RORA: variants seen among roughly 807,000 people sequenced by gnomAD.
The protein encoded by RORA is nuclear receptor ROR-alpha.
RORA carries 7 observed loss-of-function variants against 69.5 expected under a neutral mutation model. The ratio of observed to expected loss-of-function variants is 0.10; its 90% confidence interval spans 0.06 to 0.19. The LOEUF (loss-of-function observed/expected upper bound fraction) is 0.19. Ranked by LOEUF, RORA falls within the 10% of genes least tolerant of loss-of-function variation. RORA has a pLI of 1.00. For missense variants in RORA, 457 were observed against 663.0 expected (o/e 0.69, Z 3.41); for synonymous variants, 261 against 240.8 (o/e 1.08, Z -0.78).
intron 1 of RORA, among the ~76,000 whole-genome samples, chr15:60,696,931 G>T: frequency 6.6e-6 from 1 of 152,150 alleles, no homozygotes; most frequent in Admixed American, 6.5e-5. Flanking sequence ...TGATTCTTCT[G>T]ATCATTTTTC....
intron 1 of RORA, among the ~76,000 whole-genome samples, chr15:60,756,325 G>A (rs1297198874): frequency 6.6e-6 from 1 of 152,202 alleles, no homozygotes; most frequent in East Asian, 1.9e-4. Context: ...AATTTAAAAT[G>A]TTTATTTTTG....
At chr15:60,720,595 C>T (rs577266866) in intron 1 of RORA, among the ~76,000 whole-genome samples, 170 of 152,140 alleles carry the variant, frequency 1.1e-3, no homozygotes, top group Non-Finnish European at 1.8e-3. Context: ...CTGATGGTTC[C>T]CCAGGAACTT....
At chr15:61,022,903 G>A (rs1158367874) in intron 1 of RORA, among the ~76,000 whole-genome samples, 2 of 152,084 alleles carry the variant, frequency 1.3e-5, no homozygotes, top group Admixed American at 1.3e-4. Flanking sequence ...AGAACTGACA[G>A]GCCGGGCACG....
chr15:60,522,851 C>T (rs1356071904), intron 3 of RORA, among the ~76,000 whole-genome samples: 1 of 150,678 alleles, frequency 6.6e-6, no homozygotes, highest in Non-Finnish European at 1.5e-5. Context: ...GTGGGCAGAT[C>T]ACGAGGTCAG....
chr15:60,604,468 C>T lies in RORA; in HGVS notation c.197-72617G>A, dbSNP rs993894125. Among the ~76,000 whole-genome samples, 4 of 152,272 alleles carry T rather than the reference C, an allele frequency of 2.6e-5. No individual in the cohort carries two copies. In the South Asian group the frequency reaches 8.3e-4, roughly 32 times the overall value. On this transcript the variant is annotated intron_variant, in intron 2 of 10. Coordinates refer to ENST00000335670, the MANE Select transcript of RORA (RefSeq NM_134261.3). ...AGTTTAAATGTCACTGCCCTATAGA[C>T]ATCTTGTTCTTCTCTTTTTGTAAAC...
chr15:60,793,041 A>AG (rs1041785623), intron 1 of RORA, among the ~76,000 whole-genome samples: 25 of 143,516 alleles, frequency 1.7e-4, no homozygotes, highest in Non-Finnish European at 2.3e-4. Flanking sequence ...AGAGAGAGAG[A>AG]AAAAAAAAAA....
intron 2 of RORA, among the ~76,000 whole-genome samples, chr15:60,544,131 A>G (rs2066993563): frequency 6.6e-6 from 1 of 151,962 alleles, no homozygotes; most frequent in South Asian, 2.1e-4. Flanking sequence ...ACGCTTTGTG[A>G]CCCTCTTTCT....
chr15:61,121,207 A>C lies in RORA; in HGVS notation c.166+107846T>G, dbSNP rs73430902. 3.2e-3 allele frequency among the ~76,000 whole-genome samples: 491 copies of C among 152,218 alleles called. 2 individuals are homozygous for C. The highest frequency in any genetic ancestry group is 0.011 in the African/African-American group (456 of 41,528). ...TCCATAACGCAGACTAAGTTATAGC[A>C]ATACTATTTTACAGATGAGGACATT... is the stretch of plus-strand genomic sequence containing the variant. On this transcript the variant is annotated intron_variant, in intron 1 of 10. Coordinates refer to ENST00000335670, the MANE Select transcript of RORA (RefSeq NM_134261.3).
At chr15:60,641,212 A>G (rs1596088610) in intron 2 of RORA, among the ~76,000 whole-genome samples, 4 of 152,056 alleles carry the variant, frequency 2.6e-5, no homozygotes, top group Non-Finnish European at 5.9e-5. Context: ...TCAGCCTCCC[A>G]AAGTGCTGGG....
chr15:61,166,485 T>C (rs2079540638), intron 1 of RORA, among the ~76,000 whole-genome samples: 1 of 152,136 alleles, frequency 6.6e-6, no homozygotes, highest in African/African-American at 2.4e-5. Flanking sequence ...AGAGGAGTAG[T>C]TAATCTTACA....
intron 1 of RORA, among the ~76,000 whole-genome samples, chr15:61,028,603 T>C (rs528228987): frequency 2.6e-5 from 4 of 152,104 alleles, no homozygotes; most frequent in Non-Finnish European, 4.4e-5. Flanking sequence ...ATTGCAACCA[T>C]GACAAATGCT....
intron 2 of RORA, among the ~76,000 whole-genome samples, chr15:60,539,399 G>C (rs1278267116): frequency 6.6e-6 from 1 of 152,148 alleles, no homozygotes; most frequent in Non-Finnish European, 1.5e-5. Context: ...AAATCCAAAT[G>C]AGCACTTTTA....
chr15:60,823,283 G>A (rs895642780), intron 1 of RORA, among the ~76,000 whole-genome samples: 43 of 152,198 alleles, frequency 2.8e-4, no homozygotes, highest in Non-Finnish European at 5.4e-4. Flanking sequence ...TCAAACTCCT[G>A]GGCTCAGGCA....
intron 1 of RORA, among the ~76,000 whole-genome samples, chr15:60,992,900 G>A (rs1035975078): frequency 3.3e-5 from 5 of 152,032 alleles, no homozygotes; most frequent in Non-Finnish European, 1.5e-5. Context: ...TCCTGGATCC[G>A]CATACCAAAA....
At chr15:60,885,259 C>T (rs1017448265) in intron 1 of RORA, among the ~76,000 whole-genome samples, 1 of 152,234 alleles carries the variant, frequency 6.6e-6, no homozygotes, top group African/African-American at 2.4e-5. Flanking sequence ...TGATCTTCCA[C>T]ATGAGAAGTC....
At chr15:60,997,818 T>C (rs868783984) in intron 1 of RORA, among the ~76,000 whole-genome samples, 4 of 152,234 alleles carry the variant, frequency 2.6e-5, no homozygotes, top group Admixed American at 2.0e-4. Context: ...GCTTTAGTGA[T>C]TGGGCAAGTC....
chr15:61,140,337 G>A (rs1219586802), intron 1 of RORA, among the ~76,000 whole-genome samples: 1 of 152,066 alleles, frequency 6.6e-6, no homozygotes, highest in Non-Finnish European at 1.5e-5. Flanking sequence ...TGCCTGGTAG[G>A]GATACTTAAC....
At chr15:60,877,736 A>G (rs970946512) in intron 1 of RORA, among the ~76,000 whole-genome samples, 1 of 152,214 alleles carries the variant, frequency 6.6e-6, no homozygotes, top group African/African-American at 2.4e-5. Flanking sequence ...ACTACTTCAG[A>G]AACACTAGTA....
intron 2 of RORA, among the ~76,000 whole-genome samples, chr15:60,597,752 A>ATTTTACC (rs1341964724): frequency 7.0e-4 from 104 of 149,232 alleles, no homozygotes; most frequent in Non-Finnish European, 1.3e-3. Context: ...CGGGCAAGCC[A>ATTTTACC]TTTTACCTTT....
Sources: allele counts gnomAD v4.1 joint callset (sites outside exome capture counted in the v4.1 genomes callset), GRCh38; gene constraint gnomAD v4.1.1; transcripts MANE v1.5; gene names NCBI Gene and HGNC (gene_info 2026-07-23, HGNC 2026-07-21).